The following AHCY variants were observed in gnomAD, a reference collection of about 807,000 sequenced individuals.
AHCY encodes the protein adenosylhomocysteinase, also known as S-adenosyl-L-homocysteine hydrolase.
In AHCY, 24 loss-of-function variants were observed where a neutral mutation model predicts 45.4. That is an observed-to-expected ratio of 0.53 (90% CI 0.38 to 0.74). The LOEUF (loss-of-function observed/expected upper bound fraction) is 0.74, where lower values mean the gene tolerates loss of function less well. Ranked by LOEUF, AHCY falls within the 30% of genes least tolerant of loss-of-function variation. The pLI, the probability that AHCY is intolerant of heterozygous loss-of-function variation, is 0.00. For synonymous variants in AHCY, 245 were observed against 235.1 expected, an observed-to-expected ratio of 1.04 and a Z score of -0.39; for missense variants, 449 against 594.1, an observed-to-expected ratio of 0.76 and a Z score of 2.54.
At chr20:34,236,084 AG>A in the AHCY span, among the ~76,000 whole-genome samples, 2 of 118,238 alleles carry the variant, frequency 1.7e-5, no homozygotes, top group East Asian at 6.0e-4. Context: ...GAGAAAGAGA[AG>A]GAAGGAAGGA....
downstream of AHCY, among the ~76,000 whole-genome samples, chr20:34,279,779 A>G (rs554335379): frequency 6.6e-6 from 1 of 152,226 alleles, no homozygotes; most frequent in South Asian, 2.1e-4. Context: ...GTTTTACTTG[A>G]CATTGTATCT....
rs779042473 is a variant in AHCY, at chr20:34,291,456, T to G, written c.521A>C (p.Lys174Thr). Reference protein sequence around the residue: ...LYKMMANGILKVPAINVNDSV... With the variant: ...LYKMMANGILTVPAINVNDSV... ...GTCATTGACATTGATGGCAGGCACCTTGAGGATCCCATTGGCCATCATCTT... is the reference window on the plus strand; with the variant it reads ...GTCATTGACATTGATGGCAGGCACCGTGAGGATCCCATTGGCCATCATCTT... Residue 174 changes from lysine (K) to threonine (T), a missense_variant, in exon 5 of 10, where the codon AAG becomes ACG. Lys to Thr is a moderately conservative substitution (Grantham distance 78, BLOSUM62 -1). Coordinates refer to ENST00000217426, the MANE Select transcript of AHCY (RefSeq NM_000687.4). 1.4e-5 allele frequency: 23 copies of G among 1,614,004 alleles called. No individual in the cohort carries two copies. The highest frequency in any genetic ancestry group is 6.7e-5 in the African/African-American group (5 of 74,904).
chr20:34,279,920 T>C (rs910682219), downstream of AHCY, among the ~76,000 whole-genome samples: 2 of 152,014 alleles, frequency 1.3e-5, no homozygotes, highest in East Asian at 1.9e-4. Flanking sequence ...CTGGCTAACA[T>C]GGTAAAACCC....
chr20:34,257,948 A>G, the AHCY span, among the ~76,000 whole-genome samples: 1 of 152,198 alleles, frequency 6.6e-6, no homozygotes, highest in African/African-American at 2.4e-5. Flanking sequence ...GTTTGAGATC[A>G]GCTTGGCCAA....
At chr20:34,256,130 A>C in the AHCY span, among the ~76,000 whole-genome samples, 1 of 152,248 alleles carries the variant, frequency 6.6e-6, no homozygotes, top group Non-Finnish European at 1.5e-5. Flanking sequence ...CATAGAAGAA[A>C]TAATGGCATA....
At chr20:34,283,879 T>TA (rs1437913605) in intron 9 of AHCY, among the ~76,000 whole-genome samples, 1 of 152,142 alleles carries the variant, frequency 6.6e-6, no homozygotes, top group Non-Finnish European at 1.5e-5. Context: ...GAAGGGATGG[T>TA]ATGTAGACCC....
chr20:34,244,669 C>T, the AHCY span, among the ~76,000 whole-genome samples: 1 of 152,132 alleles, frequency 6.6e-6, no homozygotes, highest in Non-Finnish European at 1.5e-5. Flanking sequence ...TTACGCAAGG[C>T]TGGTTATTTC....
intron 1 of AHCY, among the ~76,000 whole-genome samples, chr20:34,300,268 T>C (rs1283855132): frequency 3.3e-5 from 5 of 152,182 alleles, no homozygotes; most frequent in East Asian, 3.8e-4. Context: ...TGCTCTAACA[T>C]GCCATTCTCC....
chr20:34,305,246 C>T (rs1728735244), upstream of AHCY, among the ~76,000 whole-genome samples: 1 of 151,786 alleles, frequency 6.6e-6, no homozygotes, highest in South Asian at 2.1e-4. Context: ...ATGGCGTGAA[C>T]CCGGGAGGCC....
chr20:34,291,644 T>C, intron 4 of AHCY, 113 bp from the exon 5 acceptor site: 3 of 981,026 alleles, frequency 3.1e-6, no homozygotes, highest in Non-Finnish European at 4.7e-6. Context: ...TCTCTGTGAC[T>C]GATCCCACAG....
At chr20:34,236,629 T>C in the AHCY span, among the ~76,000 whole-genome samples, 6 of 152,026 alleles carry the variant, frequency 3.9e-5, no homozygotes, top group African/African-American at 1.4e-4. Flanking sequence ...GGTGGGAGAA[T>C]TGCCTGAGCC....
the AHCY span, among the ~76,000 whole-genome samples, chr20:34,237,138 G>A: frequency 1.3e-5 from 2 of 152,028 alleles, no homozygotes; most frequent in African/African-American, 4.8e-5. Context: ...CTGTGGCTTT[G>A]TAGTAAGTTT....
At chr20:34,264,415 T>C in the AHCY span, among the ~76,000 whole-genome samples, 1 of 152,186 alleles carries the variant, frequency 6.6e-6, no homozygotes, top group Non-Finnish European at 1.5e-5. Context: ...TGCAGTAAAA[T>C]GTGATCCCTC....
At chr20:34,273,962 T>G in the AHCY span, among the ~76,000 whole-genome samples, 1 of 110,822 alleles carries the variant, frequency 9.0e-6, no homozygotes, top group East Asian at 2.7e-4. Flanking sequence ...TTGTAGAGTC[T>G]GGGAGGTGGC....
chr20:34,243,831 G>A, the AHCY span, among the ~76,000 whole-genome samples: 2 of 151,348 alleles, frequency 1.3e-5, no homozygotes, highest in African/African-American at 2.4e-5. Context: ...TTGGGAGGCC[G>A]AGGCGGGTGG....
the AHCY span, among the ~76,000 whole-genome samples, chr20:34,248,067 A>G: frequency 6.6e-6 from 1 of 152,138 alleles, no homozygotes; most frequent in Non-Finnish European, 1.5e-5. Context: ...TTAGCCTGGC[A>G]TGGTGATGGG....
chr20:34,255,658 C>A, the AHCY span, among the ~76,000 whole-genome samples: 1 of 152,184 alleles, frequency 6.6e-6, no homozygotes, highest in African/African-American at 2.4e-5. Flanking sequence ...ACAATTATAA[C>A]CTAGGAAAAA....
intron 9 of AHCY, among the ~76,000 whole-genome samples, chr20:34,283,838 C>G (rs2036082056): frequency 6.6e-6 from 1 of 152,204 alleles, no homozygotes; most frequent in South Asian, 2.1e-4. Context: ...CTGCGTCTTC[C>G]TCAATTGGTA....
At chr20:34,272,786 A>G in the AHCY span, among the ~76,000 whole-genome samples, 2 of 152,186 alleles carry the variant, frequency 1.3e-5, no homozygotes, top group Admixed American at 6.6e-5. Flanking sequence ...CAAGAGGCTG[A>G]GGCAGGAGGA....
Sources: allele counts gnomAD v4.1 joint callset (sites outside exome capture counted in the v4.1 genomes callset), GRCh38; gene constraint gnomAD v4.1.1; transcripts MANE v1.5; gene names NCBI Gene and HGNC (gene_info 2026-07-23, HGNC 2026-07-21).